SCFD2: variants seen among roughly 807,000 people sequenced by gnomAD.
SCFD2 encodes the protein sec1 family domain containing 2.
In SCFD2, 54 loss-of-function variants were observed where a neutral mutation model predicts 58.9. The ratio of observed to expected loss-of-function variants is 0.92; its 90% CI spans 0.74 to 1.15. SCFD2 has a LOEUF of 1.15. Ranked by LOEUF, SCFD2 falls within the 50% of genes most tolerant of loss-of-function variation. The pLI is 0.00. For synonymous variants in SCFD2, 321 were observed against 335.9 expected (o/e 0.96, Z 0.49); for missense variants, 805 against 836.6 (o/e 0.96, Z 0.47).
chr4:52,889,645 CAT>C (rs1319357562), intron 7 of SCFD2, among the ~76,000 whole-genome samples: 1 of 152,198 alleles, frequency 6.6e-6, no homozygotes, highest in African/African-American at 2.4e-5. Context: ...ATCTGTTAAA[CAT>C]ATGATAATTT....
At position 53,049,968 on chromosome 4, in the gene SCFD2, A is replaced by G. The variant is rs115971180; in HGVS notation, c.1561+95365T>C. Among the ~76,000 whole-genome samples, 352 of 152,318 alleles carry G rather than the reference A, an allele frequency of 2.3e-3. 1 individual carries two copies. Among genetic ancestry groups the G allele is most frequent in the African/African-American group, 8.2e-3 (339 of 41,570 alleles). On this transcript the variant is annotated intron_variant, in intron 5 of 8. Transcript: ENST00000401642. ...TCATTCATAGATTCAGCATTCAGCA[A>G]ATGTTTATTTACTCCTGTTACAGGC... is the stretch of plus-strand genomic sequence containing the variant.
At chr4:53,357,189 A>T (rs1324561998) in intron 1 of SCFD2, among the ~76,000 whole-genome samples, 1 of 152,122 alleles carries the variant, frequency 6.6e-6, no homozygotes, top group Non-Finnish European at 1.5e-5. Flanking sequence ...TGGGAGGCTG[A>T]GGTGGGAGGG....
At chr4:53,063,352 C>T (rs1223101523) in intron 5 of SCFD2, among the ~76,000 whole-genome samples, 1 of 151,902 alleles carries the variant, frequency 6.6e-6, no homozygotes, top group Non-Finnish European at 1.5e-5. Flanking sequence ...ACTTATGCCC[C>T]AATGTAACAA....
At chr4:53,281,058 T>G (rs1731492937) in intron 3 of SCFD2, among the ~76,000 whole-genome samples, 1 of 152,246 alleles carries the variant, frequency 6.6e-6, no homozygotes, top group Admixed American at 6.5e-5. Flanking sequence ...CCGTGCGCCC[T>G]GTTTTGGAAG....
At chr4:53,113,163 C>A (rs1560341394) in intron 5 of SCFD2, among the ~76,000 whole-genome samples, 2 of 152,028 alleles carry the variant, frequency 1.3e-5, no homozygotes, top group South Asian at 4.1e-4. Flanking sequence ...CCTAAGGAAC[C>A]CTTTCCTAAC....
chr4:53,220,846 A>C (rs963697839), intron 4 of SCFD2, among the ~76,000 whole-genome samples: 9 of 152,242 alleles, frequency 5.9e-5, no homozygotes, highest in African/African-American at 2.2e-4. Flanking sequence ...TAAAAATGTG[A>C]AGCCCTAATT....
At chr4:52,875,915 A>G (rs908273964) in intron 8 of SCFD2, among the ~76,000 whole-genome samples, 1 of 140,796 alleles carries the variant, frequency 7.1e-6, no homozygotes, top group African/African-American at 2.6e-5. Context: ...TCTGTGTTTC[A>G]CGATTTTCCT....
Position 52,986,225 on chromosome 4 carries a change from T to TA in SCFD2, c.1562-65356dup, listed in dbSNP as rs201137750. Among the ~76,000 whole-genome samples the TA allele has an allele frequency of 9.8e-3, 475 of 48,356 alleles. 20 individuals carry two copies. The East Asian group carries it at 0.13, about 13-fold the overall frequency. 31.7% of individuals were successfully genotyped at this position (48,356 alleles called of 152,430 possible). A position where few individuals can be genotyped will look rare whatever the true frequency, so the allele number is the denominator to read the frequency against. On this transcript the variant is annotated intron_variant, in intron 5 of 8. Transcript: ENST00000401642. ...GAGCAATTTAGAGGGGAAAAAAGGG[T>TA]AAAGTTTTTTTTTTAATAGTCATCG... is the stretch of plus-strand genomic sequence containing the variant.
intron 7 of SCFD2, among the ~76,000 whole-genome samples, chr4:52,896,267 G>C (rs1442192893): frequency 6.6e-6 from 1 of 152,114 alleles, no homozygotes; most frequent in Non-Finnish European, 1.5e-5. Context: ...TATTGCCTAG[G>C]TTTTCTTCTA....
At chr4:52,950,619 A>T (rs1168753595) in intron 5 of SCFD2, 2 of 152,254 alleles carry the variant, frequency 1.3e-5, no homozygotes, top group Non-Finnish European at 2.9e-5. Context: ...CCCGTGGCTC[A>T]TGTGGCATGA....
At chr4:53,278,639 T>C (rs1731409975) in intron 3 of SCFD2, among the ~76,000 whole-genome samples, 1 of 152,156 alleles carries the variant, frequency 6.6e-6, no homozygotes, top group South Asian at 2.1e-4. Context: ...GCATATGATC[T>C]AAAGGAACAA....
intron 4 of SCFD2, among the ~76,000 whole-genome samples, chr4:53,270,248 A>G (rs1731119263): frequency 1.3e-5 from 2 of 152,218 alleles, no homozygotes; most frequent in African/African-American, 4.8e-5. Context: ...ACATTAACAG[A>G]TTAAGGGAGA....
intron 4 of SCFD2, among the ~76,000 whole-genome samples, chr4:53,213,254 T>A (rs1454699012): frequency 2.6e-5 from 4 of 152,060 alleles, no homozygotes; most frequent in Non-Finnish European, 4.4e-5. Context: ...AAGATAGAAA[T>A]CAAAATCACA....
chr4:53,108,759 C>G (rs1468477864), intron 5 of SCFD2, among the ~76,000 whole-genome samples: 1 of 152,044 alleles, frequency 6.6e-6, no homozygotes, highest in Non-Finnish European at 1.5e-5. Context: ...CAGGACCAGA[C>G]AGAGTCACAG....
intron 6 of SCFD2, among the ~76,000 whole-genome samples, chr4:52,916,222 G>A (rs1719598076): frequency 1.3e-5 from 2 of 152,226 alleles, no homozygotes; most frequent in African/African-American, 4.8e-5. Flanking sequence ...ATTTAGTGGG[G>A]AGATTAAGCT....
chr4:53,325,943 T>C (rs1034278156), intron 2 of SCFD2, among the ~76,000 whole-genome samples: 1 of 151,930 alleles, frequency 6.6e-6, no homozygotes, highest in Middle Eastern at 3.4e-3. Flanking sequence ...CATGGAAAAG[T>C]ATAAGAAAAA....
In SCFD2 at chr4:53,148,640, C is replaced by CT. The variant is rs1268812883; in HGVS notation, c.1312-3059dup. On this transcript the variant is annotated intron_variant, in intron 4 of 8. Coordinates refer to ENST00000401642, the MANE Select transcript of SCFD2 (RefSeq NM_152540.4). ...TCCATTTTCACTTTCTCCCCCTTTT[C>CT]TTTTTTTAAAAACTTTACCATTGTT... Among the ~76,000 whole-genome samples, 4 of 152,266 alleles carry CT rather than the reference C, an allele frequency of 2.6e-5. 1 individual carries two copies. Among genetic ancestry groups the CT allele is most frequent in the East Asian group, 3.9e-4 (2 of 5,180 alleles).
chr4:53,033,445 AG>A (rs1348391219), intron 5 of SCFD2, among the ~76,000 whole-genome samples: 8 of 152,200 alleles, frequency 5.3e-5, no homozygotes, highest in Non-Finnish European at 8.8e-5. Flanking sequence ...AAAAGCTAGC[AG>A]AAGACAAGAA....
intron 4 of SCFD2, among the ~76,000 whole-genome samples, chr4:53,227,604 T>C (rs1457122395): frequency 6.6e-6 from 1 of 152,188 alleles, no homozygotes; most frequent in Non-Finnish European, 1.5e-5. Context: ...GCAGAATACC[T>C]TCACCTTTGG....
Sources: gnomAD v4.1 joint callset for allele counts (sites outside exome capture counted in the v4.1 genomes callset) on GRCh38, gnomAD v4.1.1 for gene constraint, MANE v1.5 for transcripts, NCBI Gene and HGNC (gene_info 2026-07-23, HGNC 2026-07-21) for gene names.